Variants in OR11A1 observed in about 807,000 individuals in gnomAD.
The protein encoded by OR11A1 is olfactory receptor 11A1.
For synonymous variants in OR11A1, 158 were observed against 152.2 expected (o/e 1.04, Z -0.28); for missense variants, 380 against 378.2 (o/e 1.00, Z -0.04).
At chr6:29,429,441 G>C (rs1047659835) in intron 3 of OR11A1, among the ~76,000 whole-genome samples, 2 of 152,218 alleles carry the variant, frequency 1.3e-5, no homozygotes, top group African/African-American at 4.8e-5. Context: ...TCTGAGGATA[G>C]TGGGCCAAAC....
intron 1 of OR11A1, among the ~76,000 whole-genome samples, chr6:29,436,345 G>A (rs1783625439): frequency 6.6e-6 from 1 of 152,042 alleles, no homozygotes; most frequent in Non-Finnish European, 1.5e-5. Flanking sequence ...CAAATGTAGC[G>A]CTGAAGTGCT....
chr6:29,453,562 C>T lies in OR11A1; in HGVS notation c.-389+3425G>A, dbSNP rs1785686703. 1.3e-5 allele frequency among the ~76,000 whole-genome samples: 2 copies of T among 152,028 alleles called. No individual in the cohort carries two copies. Among genetic ancestry groups the T allele is most frequent in the African/African-American group, 4.8e-5 (2 of 41,398 alleles). ...TTGGAACAAAGATAAAAACTCATGCCTAGGGTTTATGTCAGTAAAAGTAAC... is the reference window on the plus strand; with the variant it reads ...TTGGAACAAAGATAAAAACTCATGCTTAGGGTTTATGTCAGTAAAAGTAAC... On this transcript the variant is annotated intron_variant, in intron 1 of 4. Transcript: ENST00000377149. The surrounding 1 kb of genome is among the most constrained non-coding windows in gnomAD (Gnocchi z 4.5).
At chr6:29,448,759 T>C (rs1785035923) in intron 1 of OR11A1, among the ~76,000 whole-genome samples, 1 of 152,182 alleles carries the variant, frequency 6.6e-6, no homozygotes, top group Non-Finnish European at 1.5e-5. Context: ...AACTCCTGCT[T>C]CCCATGACTT....
chr6:29,451,595 A>G (rs1785388608), intron 1 of OR11A1, among the ~76,000 whole-genome samples: 1 of 152,202 alleles, frequency 6.6e-6, no homozygotes, highest in African/African-American at 2.4e-5. Flanking sequence ...AATGCCCAAT[A>G]TCACTATTCA....
chr6:29,450,809 A>G (rs72831442), intron 1 of OR11A1, among the ~76,000 whole-genome samples: 10,425 of 152,348 alleles, frequency 0.068, 553 homozygotes, highest in East Asian at 0.2. Context: ...TACAGATTCA[A>G]TGCTATTCCT....
At chr6:29,443,973 A>T (rs1208346928) in intron 1 of OR11A1, among the ~76,000 whole-genome samples, 3 of 138,476 alleles carry the variant, frequency 2.2e-5, no homozygotes, top group East Asian at 4.2e-4. Context: ...ATCAGTAATT[A>T]AAAAAAAAAA....
At chr6:29,454,980 T>A in intron 1 of OR11A1, among the ~76,000 whole-genome samples, 1 of 152,102 alleles carries the variant, frequency 6.6e-6, no homozygotes, top group Non-Finnish European at 1.5e-5. Context: ...TGTATGAAAA[T>A]GAATTATGAC....
intron 2 of OR11A1, among the ~76,000 whole-genome samples, chr6:29,431,662 A>G (rs986880293): frequency 3.3e-5 from 5 of 152,210 alleles, no homozygotes; most frequent in African/African-American, 1.2e-4. Context: ...AAAACATCCA[A>G]TGGAGAAAAG....
rs17184058 is a variant in OR11A1 at position 29,440,872 on chromosome 6, C to A, written c.-388-8885G>T. On this transcript the variant is annotated intron_variant, in intron 1 of 4. Transcript: ENST00000377149. ...GCTGTGGTCACCCCCATCCTCAACC[C>A]CATCATCTACAGCCTGCGGAACACA... The A allele has an allele frequency of 1.9e-5, 30 of 1,613,914 alleles. 1 individual carries two copies. The highest frequency in any genetic ancestry group is 1.7e-4 in the African/African-American group (13 of 75,022).
chr6:29,426,789 G>A lies in OR11A1; in HGVS notation c.853C>T (p.Leu285Phe). 2 of 1,613,114 alleles carry A rather than the reference G, an allele frequency of 1.2e-6. No individual in the cohort carries two copies. The highest frequency in any genetic ancestry group is 1.7e-6 in the Non-Finnish European group (2 of 1,180,010). Reference sequence around the variant, plus strand: ...ATGGTATAGATCACAGGATTGAAGAGAGGGGTGACCACAGTGTAGAGCAGG... The same window carrying A: ...ATGGTATAGATCACAGGATTGAAGAAAGGGGTGACCACAGTGTAGAGCAGG... ...FSLLYTVVTP[L>F]FNPVIYTMRN... is the part of the protein sequence containing the mutation. Residue 285 changes from leucine to phenylalanine, a missense_variant, in exon 5 of 5, where the codon CTC (leucine) becomes TTC (phenylalanine). Transcript: ENST00000377149.
intron 1 of OR11A1, chr6:29,440,811 G>T: frequency 6.2e-7 from 1 of 1,613,978 alleles, no homozygotes; most frequent in Non-Finnish European, 8.5e-7. Context: ...GGCCAGCTAC[G>T]ATCCGGCCAC....
intron 1 of OR11A1, among the ~76,000 whole-genome samples, chr6:29,432,330 T>G (rs1436393149): frequency 6.6e-6 from 1 of 152,160 alleles, no homozygotes; most frequent in Non-Finnish European, 1.5e-5. Flanking sequence ...TTCCATCCCC[T>G]TGGGGACAAA....
chr6:29,445,068 A>C (rs974935686), intron 1 of OR11A1, among the ~76,000 whole-genome samples: 17 of 152,086 alleles, frequency 1.1e-4, no homozygotes, highest in African/African-American at 3.4e-4. Flanking sequence ...GTGCAGTGGC[A>C]CGATCTTGGC....
At chr6:29,439,923 A>C in intron 1 of OR11A1, 1 of 908,516 alleles carries the variant, frequency 1.1e-6, no homozygotes. Context: ...GATCAGATGC[A>C]GAGAGAGGTC....
At chr6:29,440,175 C>T (rs764067961) in intron 1 of OR11A1, 2 of 1,613,738 alleles carry the variant, frequency 1.2e-6, no homozygotes, top group Non-Finnish European at 1.7e-6. Flanking sequence ...TGATGCTGCC[C>T]TCCAGTCCCC....
intron 1 of OR11A1, chr6:29,440,537 G>C (rs754718036): frequency 6.2e-7 from 1 of 1,613,672 alleles, no homozygotes; most frequent in Non-Finnish European, 8.5e-7. Context: ...ATACCATCCC[G>C]CAGTTCTTCT....
chr6:29,428,879 C>T (rs1482113896), intron 4 of OR11A1, 34 bp downstream of exon 4: 1 of 854,152 alleles, frequency 1.2e-6, no homozygotes, highest in African/African-American at 1.9e-5. Context: ...TTGAGCATGA[C>T]ACTTCTAAAT....
At chr6:29,441,922 T>TTTTTG (rs539377011) in intron 1 of OR11A1, among the ~76,000 whole-genome samples, 258 of 152,328 alleles carry the variant, frequency 1.7e-3, no homozygotes, top group Middle Eastern at 3.4e-3. Flanking sequence ...ATCTGTTTGT[T>TTTTTG]TTTTGTTTTG....
chr6:29,427,245 A>G lies in OR11A1; in HGVS notation c.397T>C (p.Tyr133His). The G allele has an allele frequency of 6.2e-7, 1 of 1,613,076 alleles. No individual in the cohort carries two copies. The highest frequency in any genetic ancestry group is 8.5e-7 in the Non-Finnish European group (1 of 1,180,008). ...RYLAICYPLH[Y>H]PLLMGPRRYM... ...CGTCTGGGCCCCATCAGGAGTGGGT[A>G]GTGGAGTGGGTAGCAAATTGCCAGG... Residue 133 changes from tyrosine (Y) to histidine (H), a missense_variant, in exon 5 of 5, where the codon TAC (tyrosine) becomes CAC (histidine). Transcript: ENST00000377149.
Sources: allele counts gnomAD v4.1 joint callset (sites outside exome capture counted in the v4.1 genomes callset), GRCh38; gene constraint gnomAD v4.1.1; non-coding constraint Gnocchi (gnomAD v3.1); transcripts MANE v1.5; gene names NCBI Gene and HGNC (gene_info 2026-07-23, HGNC 2026-07-21).